PLD5: variants seen among roughly 807,000 people sequenced by gnomAD.
The protein encoded by PLD5 is phospholipase D family member 5, also known as inactive phospholipase D5.
PLD5 carries 36 observed loss-of-function variants against 61.1 expected under a neutral mutation model. The observed-to-expected ratio is 0.59, with a 90% CI of 0.45 to 0.78. The LOEUF (loss-of-function observed/expected upper bound fraction) is 0.78. PLD5 is among the 30% of genes least tolerant of loss of function. The pLI, the probability that PLD5 is intolerant of heterozygous loss-of-function variation, is 0.00. For synonymous variants in PLD5, 243 were observed against 242.8 expected, an observed-to-expected ratio of 1.00 and a Z score of -0.01; for missense variants, 515 against 644.4, an observed-to-expected ratio of 0.80 and a Z score of 2.17.
chr1:242,434,509 G>C (rs1425238739), intron 1 of PLD5, among the ~76,000 whole-genome samples: 1 of 152,150 alleles, frequency 6.6e-6, no homozygotes, highest in Non-Finnish European at 1.5e-5. Context: ...GCTGGGGAGG[G>C]GGATACCTAT....
At chr1:242,109,862 G>C (rs1038569256) in intron 7 of PLD5, among the ~76,000 whole-genome samples, 2 of 151,870 alleles carry the variant, frequency 1.3e-5, no homozygotes, top group Admixed American at 1.3e-4. Context: ...GGCTGAGGCA[G>C]GAACGGTGAT....
chr1:242,462,203 C>G (rs1290055939), intron 1 of PLD5, among the ~76,000 whole-genome samples: 1 of 152,186 alleles, frequency 6.6e-6, no homozygotes, highest in African/African-American at 2.4e-5. Context: ...CCTCACAGCA[C>G]TATTCACAAT....
chr1:242,429,425 T>TA (rs1202107378), intron 1 of PLD5, among the ~76,000 whole-genome samples: 1 of 152,178 alleles, frequency 6.6e-6, no homozygotes, highest in East Asian at 1.9e-4. Context: ...TTTAATACTT[T>TA]TTTTAGAGAC....
At chr1:242,242,012 G>GAC (rs377737578) in intron 4 of PLD5, among the ~76,000 whole-genome samples, 2,498 of 105,990 alleles carry the variant, frequency 0.024, 52 homozygotes, top group East Asian at 0.058. Flanking sequence ...TATATATATA[G>GAC]ACACACACAC....
chr1:242,272,131 C>T (rs551550971), intron 3 of PLD5, among the ~76,000 whole-genome samples: 8 of 152,042 alleles, frequency 5.3e-5, no homozygotes, highest in South Asian at 4.2e-4. Context: ...AAAAGTTATA[C>T]GAAAAATGGA....
chr1:242,467,923 C>T (rs1327419819), intron 1 of PLD5, among the ~76,000 whole-genome samples: 1 of 151,776 alleles, frequency 6.6e-6, no homozygotes, highest in African/African-American at 2.4e-5. Flanking sequence ...AGTAGAACCG[C>T]CCCCCAAAGC....
intron 4 of PLD5, among the ~76,000 whole-genome samples, chr1:242,246,059 T>C (rs1196750113): frequency 6.6e-6 from 1 of 152,140 alleles, no homozygotes; most frequent in Non-Finnish European, 1.5e-5. Context: ...ATTAGTCCAT[T>C]GTAGAAATCA....
rs115944115 is a variant in PLD5, at chr1:242,191,516, G to A, written c.735+28472C>T. Among the ~76,000 whole-genome samples, 1,257 of 151,654 alleles carry A rather than the reference G, an allele frequency of 8.3e-3. 24 individuals are homozygous for A. Among genetic ancestry groups the A allele is most frequent in the African/African-American group, 0.029 (1,201 of 41,480 alleles). ...CAGGAAAATCGCTTGAACCCAGGAC[G>A]GGGAAGTTGCAGTGAGCCAAGACTG... On this transcript the variant is annotated intron_variant, in intron 5 of 9. Coordinates refer to ENST00000536534, the MANE Select transcript of PLD5 (RefSeq NM_001372062.1).
At chr1:242,486,505 A>T (rs1169868160) in intron 1 of PLD5, among the ~76,000 whole-genome samples, 2 of 152,236 alleles carry the variant, frequency 1.3e-5, no homozygotes, top group Non-Finnish European at 2.9e-5. Flanking sequence ...TCAAAACCAC[A>T]ATGAGATACC....
chr1:242,328,989 C>A (rs572171833), intron 2 of PLD5, among the ~76,000 whole-genome samples: 1 of 147,444 alleles, frequency 6.8e-6, no homozygotes, highest in South Asian at 2.2e-4. Context: ...CATTTTTTTT[C>A]CTGCAAATTT....
At chr1:242,278,571 G>A (rs1285263086) in intron 3 of PLD5, among the ~76,000 whole-genome samples, 1 of 152,218 alleles carries the variant, frequency 6.6e-6, no homozygotes, top group African/African-American at 2.4e-5. Context: ...AATCCACCGT[G>A]TGAGCTCTGC....
intron 1 of PLD5, among the ~76,000 whole-genome samples, chr1:242,477,075 C>A (rs888302107): frequency 6.6e-6 from 1 of 152,058 alleles, no homozygotes; most frequent in African/African-American, 2.4e-5. Context: ...CGTGGTGAAA[C>A]CGCATCTCTT....
chr1:242,525,219 G>C (rs150297873), upstream of PLD5, among the ~76,000 whole-genome samples: 9 of 152,008 alleles, frequency 5.9e-5, no homozygotes, highest in Non-Finnish European at 1.0e-4. Flanking sequence ...CCGATGGTGT[G>C]GCGATGCAAA....
Position 242,132,192 on chromosome 1 carries a change from CG to C in PLD5, c.736-7528del, listed in dbSNP as rs58312459. On this transcript the variant is annotated intron_variant, in intron 5 of 9. Coordinates refer to ENST00000536534, the MANE Select transcript of PLD5 (RefSeq NM_001372062.1). The stretch of plus-strand genomic sequence containing the variant: ...GTCATCAAAGAGAATGCAGTGATTG[CG>C]GGGGGGGGGGGGGGCGGAATCATTT... Among the ~76,000 whole-genome samples the C allele has an allele frequency of 4.1e-3, 86 of 21,046 alleles. 6 individuals are homozygous for C. The highest frequency in any genetic ancestry group is 6.6e-3 in the African/African-American group (33 of 4,998). The allele number at this position is 21,046 out of a possible 152,430, so 13.8% of individuals were successfully genotyped here. A position where few individuals can be genotyped will look rare whatever the true frequency, so the allele number is the denominator to read the frequency against.
chr1:242,176,624 A>G (rs1399327415), intron 5 of PLD5, among the ~76,000 whole-genome samples: 1 of 152,216 alleles, frequency 6.6e-6, no homozygotes, highest in African/African-American at 2.4e-5. Context: ...ACAGCAAAAT[A>G]AACTATCATC....
chr1:242,210,020 C>G (rs1163860117), intron 5 of PLD5, among the ~76,000 whole-genome samples: 1 of 152,126 alleles, frequency 6.6e-6, no homozygotes, highest in African/African-American at 2.4e-5. Flanking sequence ...GTCTTGAACT[C>G]CTGACCTCAG....
At chr1:242,427,838 CT>C (rs376127126) in intron 1 of PLD5, among the ~76,000 whole-genome samples, 83 of 152,312 alleles carry the variant, frequency 5.4e-4, no homozygotes, top group African/African-American at 1.9e-3. Flanking sequence ...TTTCCCCATT[CT>C]TTTCCCCCAT....
chr1:242,220,147 T>C (rs534178349), intron 4 of PLD5, 32 bp from the exon 5 acceptor site: 11 of 1,610,638 alleles, frequency 6.8e-6, no homozygotes, highest in South Asian at 1.1e-5. Flanking sequence ...GGTCAGCCTC[T>C]GCGTCAAGGC....
chr1:242,505,079 C>T (rs769265376), intron 1 of PLD5, among the ~76,000 whole-genome samples: 7 of 152,172 alleles, frequency 4.6e-5, no homozygotes, highest in Non-Finnish European at 1.0e-4. Context: ...ATCACTTGAG[C>T]CCAGGACGTG....
Sources: allele counts gnomAD v4.1 joint callset (sites outside exome capture counted in the v4.1 genomes callset), GRCh38; gene constraint gnomAD v4.1.1; transcripts MANE v1.5; gene names NCBI Gene and HGNC (gene_info 2026-07-23, HGNC 2026-07-21).